Variants in UBR3 observed in about 807,000 individuals in gnomAD.
The protein encoded by UBR3 is E3 ubiquitin-protein ligase UBR3.
In UBR3, 85 loss-of-function variants were observed where a neutral mutation model predicts 243.2. The ratio of observed to expected loss-of-function variants is 0.35; its 90% CI spans 0.29 to 0.42. The LOEUF (loss-of-function observed/expected upper bound fraction) is 0.42, where lower values mean the gene tolerates loss of function less well. Among genes scored for constraint, UBR3 ranks in the 10% least tolerant of loss-of-function variants. The pLI is 1.00. For missense variants in UBR3, 1,686 were observed against 2,300.8 expected (o/e 0.73, Z 5.47); for synonymous variants, 748 against 799.8 (o/e 0.94, Z 1.09).
intron 33 of UBR3, 111 bp downstream of exon 33, chr2:170,055,695 G>A: frequency 7.3e-7 from 1 of 1,362,888 alleles, no homozygotes; most frequent in Non-Finnish European, 9.9e-7. Flanking sequence ...TATTTTAATT[G>A]TAAATTGAGC....
Position 169,827,527 on chromosome 2 carries a change from CGGCCGTCGGG to C in UBR3, c.25_34del (p.Val9SerfsTer15), listed in dbSNP as rs1220124238. 1 of 1,230,742 alleles carries C rather than the reference CGGCCGTCGGG, an allele frequency of 8.1e-7. No homozygotes were observed. The highest frequency in any genetic ancestry group is 1.0e-6 in the Non-Finnish European group (1 of 988,308). 76.2% of individuals were successfully genotyped at this position (1,230,742 alleles called of 1,614,324 possible). On this transcript the variant is annotated frameshift_variant, in exon 1 of 39. Coordinates refer to ENST00000272793, the MANE Select transcript of UBR3 (RefSeq NM_172070.4). LOFTEE classifies it high-confidence loss of function. ...CTCATCATGGCGGCGGCGGCCGCGG[CGGCCGTCGGG>C]GGCCAGCAGCCGTCACAGCCCGAGC...
Position 169,926,982 on chromosome 2 carries a change from C to T in UBR3, c.2338+11C>T. 1 of 1,549,320 alleles carries T rather than the reference C, an allele frequency of 6.5e-7. No individual in the cohort carries two copies. Among genetic ancestry groups the T allele is most frequent in the Admixed American group, 2.0e-5 (1 of 50,950 alleles). On this transcript the variant is annotated intron_variant, in intron 16 of 38. Transcript: ENST00000272793. ...TTCGTTTACATTTAGGTAAAACTCA[C>T]TGATACTAATACTTATGCATTAACT...
intron 5 of UBR3, among the ~76,000 whole-genome samples, chr2:169,884,619 C>G (rs1485504692): frequency 6.6e-6 from 1 of 152,104 alleles, no homozygotes; most frequent in Non-Finnish European, 1.5e-5. Context: ...CTGTTTTAAT[C>G]TGGTTTGTTT....
chr2:169,991,169 A>T (rs774176874), intron 25 of UBR3, among the ~76,000 whole-genome samples: 3 of 152,230 alleles, frequency 2.0e-5, no homozygotes, highest in Non-Finnish European at 4.4e-5. Context: ...TATTATAAAC[A>T]TATATGCTCC....
chr2:169,922,579 T>C (rs994805704), intron 11 of UBR3, among the ~76,000 whole-genome samples: 1 of 152,208 alleles, frequency 6.6e-6, no homozygotes, highest in African/African-American at 2.4e-5. Context: ...ATTGAAACTA[T>C]ACTCATTAAA....
rs1272405074 is a variant in UBR3 at position 169,998,509 on chromosome 2, T to C, written c.3919-2795T>C. Among the ~76,000 whole-genome samples, 8 of 152,264 alleles carry C rather than the reference T, an allele frequency of 5.3e-5. No homozygotes were observed. The South Asian group carries it at 1.5e-3, about 28-fold the overall frequency. ...TCCCTAGACTGCATACCTCTGGAGGTCCAGGGCTATGCCTCATGTTGATTC... is the reference window on the plus strand; with the variant it reads ...TCCCTAGACTGCATACCTCTGGAGGCCCAGGGCTATGCCTCATGTTGATTC... On this transcript the variant is annotated intron_variant, in intron 26 of 38. Coordinates refer to ENST00000272793, the MANE Select transcript of UBR3 (RefSeq NM_172070.4).
rs1032990456 is a variant in UBR3, at chr2:169,827,632, C to G, written c.125C>G (p.Pro42Arg). ...AAHLKAALSR[P>R]DNRAGAEELQ... The stretch of plus-strand genomic sequence containing the variant: ...CACCTCAAGGCGGCCCTCAGCCGGC[C>G]GGACAACCGCGCAGGTGCTGAGGAG... Residue 42 changes from proline (P) to arginine (R), a missense_variant, in exon 1 of 39, where the codon CCG becomes CGG. By Grantham distance (103) the Pro-to-Arg change is moderately radical. Coordinates refer to ENST00000272793, the MANE Select transcript of UBR3 (RefSeq NM_172070.4). 9 of 1,265,802 alleles carry G rather than the reference C, an allele frequency of 7.1e-6. No homozygotes were observed. The highest frequency in any genetic ancestry group is 4.7e-5 in the African/African-American group (3 of 64,304). 78.4% of individuals were successfully genotyped at this position (1,265,802 alleles called of 1,614,324 possible).
intron 33 of UBR3, among the ~76,000 whole-genome samples, chr2:170,057,671 C>T (rs1401123864): frequency 6.6e-6 from 1 of 151,786 alleles, no homozygotes; most frequent in African/African-American, 2.4e-5. Context: ...GGTAACTGGT[C>T]CAGTTTTTTT....
At chr2:169,893,360 C>T (rs2084447226) in intron 6 of UBR3, among the ~76,000 whole-genome samples, 1 of 152,196 alleles carries the variant, frequency 6.6e-6, no homozygotes, top group Non-Finnish European at 1.5e-5. Flanking sequence ...TCAGGCTTTT[C>T]ATTTGCCTAA....
intron 10 of UBR3, among the ~76,000 whole-genome samples, chr2:169,907,036 CTTTT>C (rs36078695): frequency 8.9e-6 from 1 of 112,356 alleles, no homozygotes. Context: ...AAATTTCTTT[CTTTT>C]TTTTTTTTTT....
In UBR3 at chr2:169,919,879, A is replaced by T. The variant is rs2085621629; in HGVS notation, c.1867-4050A>T. Among the ~76,000 whole-genome samples the T allele has an allele frequency of 2.0e-5, 3 of 152,190 alleles. No individual in the cohort carries two copies. In the South Asian group the frequency reaches 6.2e-4, roughly 32 times the overall value. ...TGTTGGTGGGACTGTAAACTAGTTC[A>T]ACCATTGTGGAAGTCAGTGTGGCGA... On this transcript the variant is annotated intron_variant, in intron 11 of 38. Transcript: ENST00000272793.
intron 24 of UBR3, among the ~76,000 whole-genome samples, chr2:169,962,028 A>T (rs1311387877): frequency 1.3e-5 from 2 of 151,884 alleles, no homozygotes; most frequent in African/African-American, 4.8e-5. Flanking sequence ...CATATTAGGT[A>T]ATGAAAGACG....
intron 35 of UBR3, among the ~76,000 whole-genome samples, chr2:170,065,793 C>G (rs1445936381): frequency 6.6e-6 from 1 of 151,930 alleles, no homozygotes; most frequent in Non-Finnish European, 1.5e-5. Flanking sequence ...TGCCTTTTTA[C>G]TATTTTAGGT....
intron 21 of UBR3, chr2:169,947,293 A>T: frequency 7.4e-6 from 2 of 270,306 alleles, no homozygotes; most frequent in South Asian, 3.3e-4. Context: ...GTATTTAAAA[A>T]TGTATTTTAA....
chr2:170,069,677 G>C (rs1053601415), intron 35 of UBR3, among the ~76,000 whole-genome samples: 11 of 151,774 alleles, frequency 7.2e-5, no homozygotes, highest in Admixed American at 7.2e-4. Flanking sequence ...TTGTCTCTCT[G>C]TGACTGGCTT....
chr2:169,898,993 G>A (rs554741490), intron 8 of UBR3, among the ~76,000 whole-genome samples: 27 of 150,228 alleles, frequency 1.8e-4, no homozygotes, highest in Middle Eastern at 3.6e-3. Context: ...GAGCCACCGC[G>A]CCTGGCTGGA....
intron 25 of UBR3, among the ~76,000 whole-genome samples, chr2:169,987,392 C>CAA (rs563664122): frequency 5.3e-4 from 35 of 65,854 alleles, no homozygotes; most frequent in Middle Eastern, 8.5e-3. Context: ...GACTCTGTCT[C>CAA]AAAAAAAAAA....
rs1490330235 is a variant in UBR3, at chr2:169,949,939, T to G, written c.3419T>G (p.Leu1140Arg). The G allele has an allele frequency of 6.2e-7, 1 of 1,613,770 alleles. No homozygotes were observed. The change falls in exon 23 of 39, where the codon CTA (leucine) becomes CGA (arginine). Residue 1140 changes from leucine to arginine, a missense_variant. Leu to Arg is a moderately radical substitution (Grantham distance 102). Around this residue, in one of 8 missense-constraint regions of UBR3, gnomAD observed 300 missense variants for 314.4 expected, o/e 0.95. Coordinates refer to ENST00000272793, the MANE Select transcript of UBR3 (RefSeq NM_172070.4). Reference protein sequence around the residue: ...DGITAVERILLKAASQSRMNK... With the variant: ...DGITAVERILRKAASQSRMNK... ...ATAACTGCCGTGGAAAGAATTTTAC[T>G]AAAAGCTGCATCGCAAAGTAGAATG...
intron 23 of UBR3, among the ~76,000 whole-genome samples, chr2:169,957,474 A>T (rs2087357690): frequency 6.7e-6 from 1 of 149,874 alleles, no homozygotes; most frequent in African/African-American, 2.5e-5. Flanking sequence ...AAAAAACCAA[A>T]CACTGCATGT....
Sources: gnomAD v4.1 joint callset for allele counts (sites outside exome capture counted in the v4.1 genomes callset) on GRCh38, gnomAD v4.1.1 for gene constraint, gnomAD v4.1.1 regional missense constraint, MANE v1.5 for transcripts, NCBI Gene and HGNC (gene_info 2026-07-23, HGNC 2026-07-21) for gene names.